Variants in AP3B1 observed in about 807,000 individuals in gnomAD.
AP3B1 encodes adaptor related protein complex 3 subunit beta 1, also known as AP-3 complex subunit beta-1.
Under a neutral mutation model 132.5 loss-of-function variants are expected in AP3B1, and 61 were observed. That is an observed-to-expected ratio of 0.46 (90% CI 0.37 to 0.57). The LOEUF (loss-of-function observed/expected upper bound fraction) is 0.57, where lower values mean the gene tolerates loss of function less well. Among genes scored for constraint, AP3B1 ranks in the 20% least tolerant of loss-of-function variants. The pLI, the probability that AP3B1 is intolerant of heterozygous loss-of-function variation, is 0.00. For missense variants in AP3B1, 1,120 were observed against 1,289.4 expected (o/e 0.87, Z 2.01); for synonymous variants, 388 against 438.3 (o/e 0.89, Z 1.43).
intron 26 of AP3B1, among the ~76,000 whole-genome samples, chr5:78,011,043 T>C (rs13188132): frequency 0.19 from 22,842 of 122,678 alleles, 1,948 homozygotes; most frequent in Admixed American, 0.3. Context: ...GTATCTCTCT[T>C]TTTTTTTTTT....
chr5:78,255,487 T>C (rs1031823313), intron 2 of AP3B1, among the ~76,000 whole-genome samples: 2 of 151,954 alleles, frequency 1.3e-5, no homozygotes, highest in Non-Finnish European at 2.9e-5. Flanking sequence ...ACAAAAACTA[T>C]AAGAAGAGAC....
chr5:78,164,213 TA>T (rs1743516850), intron 12 of AP3B1, among the ~76,000 whole-genome samples: 1 of 152,016 alleles, frequency 6.6e-6, no homozygotes, highest in Non-Finnish European at 1.5e-5. Flanking sequence ...AAAAAGTTAC[TA>T]AAAGCGTAAC....
chr5:78,270,286 A>C (rs188615927), intron 1 of AP3B1, among the ~76,000 whole-genome samples: 57 of 152,242 alleles, frequency 3.7e-4, no homozygotes, highest in African/African-American at 1.3e-3. Context: ...TGGAAATTTT[A>C]AAAAGAAAAA....
At chr5:78,129,480 T>C in intron 15 of AP3B1, among the ~76,000 whole-genome samples, 173 bp from the exon 16 acceptor site, 1 of 152,106 alleles carries the variant, frequency 6.6e-6, no homozygotes, top group Admixed American at 6.6e-5. Context: ...CCAAAGCACA[T>C]GTCCTCTTCT....
chr5:78,156,338 T>C lies in AP3B1; in HGVS notation c.1393A>G (p.Ile465Val). 6.2e-7 allele frequency: 1 copy of C among 1,613,386 alleles called. No individual in the cohort carries two copies. The highest frequency in any genetic ancestry group is 8.5e-7 in the Non-Finnish European group (1 of 1,179,546). ...EIVVAESVVV[I>V]KKLLQMQPAQ... ...GGTTGCATTTGCAGTAATTTCTTTATAACAACCACACTTTCAGCAACAACT... is the reference window on the plus strand; with the variant it reads ...GGTTGCATTTGCAGTAATTTCTTTACAACAACCACACTTTCAGCAACAACT... The change falls in exon 14 of 27, where the codon ATA (isoleucine) becomes GTA (valine). Residue 465 changes from isoleucine to valine, a missense_variant. Physicochemically the swap from Ile to Val is conservative, Grantham distance 29. Coordinates refer to ENST00000255194, the MANE Select transcript of AP3B1 (RefSeq NM_003664.5).
chr5:78,018,527 T>A (rs1183466727), intron 25 of AP3B1, among the ~76,000 whole-genome samples: 1 of 152,076 alleles, frequency 6.6e-6, no homozygotes, highest in Non-Finnish European at 1.5e-5. Context: ...ATATTCCCCA[T>A]GTTCCTTATT....
At chr5:78,097,077 C>T (rs1443218654) in intron 21 of AP3B1, among the ~76,000 whole-genome samples, 6 of 120,326 alleles carry the variant, frequency 5.0e-5, no homozygotes, top group South Asian at 2.5e-4. Flanking sequence ...GTCAGCCCCC[C>T]GCCCGGCCAG....
intron 24 of AP3B1, among the ~76,000 whole-genome samples, chr5:78,026,905 C>G (rs1341557586): frequency 1.3e-5 from 2 of 152,164 alleles, no homozygotes; most frequent in African/African-American, 2.4e-5. Context: ...AAGTTGGCCA[C>G]TTGCATTTAT....
chr5:78,258,396 A>G (rs571501937), intron 2 of AP3B1, among the ~76,000 whole-genome samples: 33 of 152,356 alleles, frequency 2.2e-4, no homozygotes, highest in Non-Finnish European at 4.4e-4. Flanking sequence ...ACGTTACTCA[A>G]AAGAAGACAT....
At chr5:78,091,316 T>C (rs1412968365) in intron 21 of AP3B1, among the ~76,000 whole-genome samples, 1 of 140,680 alleles carries the variant, frequency 7.1e-6, no homozygotes, top group Non-Finnish European at 1.5e-5. Flanking sequence ...AGTCCATAAA[T>C]GATACGGCCA....
chr5:78,045,502 T>C (rs1179717732), intron 22 of AP3B1, among the ~76,000 whole-genome samples: 2 of 152,044 alleles, frequency 1.3e-5, no homozygotes, highest in East Asian at 3.9e-4. Flanking sequence ...ATAAAATACA[T>C]AGGTGATATT....
At chr5:78,078,943 CAT>C (rs1561391419) in intron 22 of AP3B1, among the ~76,000 whole-genome samples, 1 of 152,206 alleles carries the variant, frequency 6.6e-6, no homozygotes, top group East Asian at 1.9e-4. Flanking sequence ...ATTAGGGGAA[CAT>C]GTGTTGTTAC....
chr5:78,266,092 A>G (rs1748310307), intron 2 of AP3B1, among the ~76,000 whole-genome samples: 1 of 144,166 alleles, frequency 6.9e-6, no homozygotes, highest in African/African-American at 2.4e-5. Flanking sequence ...ATCATGATAC[A>G]TGTTTGTAAT....
chr5:78,104,518 C>A (rs1205869492), intron 20 of AP3B1, among the ~76,000 whole-genome samples: 2 of 152,132 alleles, frequency 1.3e-5, no homozygotes, highest in African/African-American at 4.8e-5. Flanking sequence ...TGCATTATAA[C>A]AGTAAAACCC....
intron 13 of AP3B1, 97 bp downstream of exon 13, chr5:78,162,722 G>T: frequency 7.3e-7 from 1 of 1,371,978 alleles, no homozygotes; most frequent in Non-Finnish European, 1.0e-6. Context: ...AACTGGAAAA[G>T]CTAAAATGCA....
intron 7 of AP3B1, among the ~76,000 whole-genome samples, chr5:78,193,326 T>C (rs1162439960): frequency 6.6e-6 from 1 of 152,156 alleles, no homozygotes; most frequent in Non-Finnish European, 1.5e-5. Flanking sequence ...GTAATCATTC[T>C]TATTTAACAT....
intron 1 of AP3B1, among the ~76,000 whole-genome samples, chr5:78,293,747 C>A (rs762983435): frequency 6.6e-6 from 1 of 151,880 alleles, no homozygotes; most frequent in Non-Finnish European, 1.5e-5. Flanking sequence ...GATTTCTTTC[C>A]ATTTCTCGGT....
chr5:78,129,048 C>T, intron 16 of AP3B1, 73 bp downstream of exon 16: 1 of 1,249,122 alleles, frequency 8.0e-7, no homozygotes, highest in East Asian at 2.4e-5. Context: ...AAATTTTAAG[C>T]ACATTAGAAA....
intron 11 of AP3B1, among the ~76,000 whole-genome samples, chr5:78,169,970 T>C (rs181778607): frequency 1.7e-3 from 262 of 152,242 alleles, no homozygotes; most frequent in Non-Finnish European, 3.0e-3. Flanking sequence ...AGTGTTCTCA[T>C]TGTTCACTTC....
Sources: allele counts gnomAD v4.1 joint callset (sites outside exome capture counted in the v4.1 genomes callset), GRCh38; gene constraint gnomAD v4.1.1; transcripts MANE v1.5; gene names NCBI Gene and HGNC (gene_info 2026-07-23, HGNC 2026-07-21).